The following RAP1A variants were observed in gnomAD, a reference collection of about 807,000 sequenced individuals.
RAP1A encodes the protein RAP1A, member of RAS oncogene family, also known as ras-related protein Rap-1A.
RAP1A carries 6 observed loss-of-function variants against 26.4 expected under a neutral mutation model. The ratio of observed to expected loss-of-function variants is 0.23; its 90% CI spans 0.12 to 0.45. RAP1A has a LOEUF of 0.45. RAP1A is among the 20% of genes least tolerant of loss of function. The pLI is 0.99. For missense variants in RAP1A, 121 were observed against 217.2 expected, an observed-to-expected ratio of 0.56 and a Z score of 2.78; for synonymous variants, 73 against 79.4, an observed-to-expected ratio of 0.92 and a Z score of 0.43.
intron 1 of RAP1A, among the ~76,000 whole-genome samples, chr1:111,611,842 G>T (rs924902787): frequency 9.9e-5 from 15 of 152,082 alleles, no homozygotes; most frequent in Non-Finnish European, 1.8e-4. Flanking sequence ...ATATTTCATG[G>T]AACATATTTT....
intron 3 of RAP1A, among the ~76,000 whole-genome samples, chr1:111,696,746 C>G (rs183876555): frequency 2.0e-5 from 3 of 152,328 alleles, no homozygotes; most frequent in Admixed American, 2.0e-4. Context: ...GTTTTCCACA[C>G]AGTTGATAGT....
chr1:111,567,815 G>A (rs1657957012), intron 1 of RAP1A, among the ~76,000 whole-genome samples: 1 of 152,158 alleles, frequency 6.6e-6, no homozygotes, highest in Admixed American at 6.6e-5. Flanking sequence ...AAGCCAGGAA[G>A]AGAGTCCTCA....
intron 1 of RAP1A, among the ~76,000 whole-genome samples, chr1:111,647,612 T>A (rs1660112100): frequency 2.0e-5 from 3 of 152,228 alleles, no homozygotes; most frequent in Admixed American, 2.0e-4. Context: ...ATCTAGATAT[T>A]TAGCTAAAGC....
At position 111,684,120 on chromosome 1, in the gene RAP1A, GCTAAAAACTCTCAATAAA is replaced by G. The variant is rs1265070510; in HGVS notation, c.-27-7210_-27-7193del. On this transcript the variant is annotated intron_variant, in intron 1 of 7. Coordinates refer to ENST00000369709, the MANE Select transcript of RAP1A (RefSeq NM_002884.4). ...TTGATAAAATCCAACACCCCTTCAT[GCTAAAAACTCTCAATAAA>G]CTAGGTACTGATGGAACATATCCCA... Among the ~76,000 whole-genome samples the G allele has an allele frequency of 2.0e-5, 3 of 152,212 alleles. No individual in the cohort carries two copies. The East Asian group carries it at 5.8e-4, about 29-fold the overall frequency.
chr1:111,580,961 G>GTCT (rs1212352908), intron 1 of RAP1A, among the ~76,000 whole-genome samples: 1 of 151,432 alleles, frequency 6.6e-6, no homozygotes, highest in Non-Finnish European at 1.5e-5. Flanking sequence ...GTGAAGGAGG[G>GTCT]TCAAAGAAGA....
chr1:111,562,243 C>T (rs932967325), intron 1 of RAP1A, among the ~76,000 whole-genome samples: 1 of 152,140 alleles, frequency 6.6e-6, no homozygotes, highest in African/African-American at 2.4e-5. Flanking sequence ...GTTCCACATC[C>T]ATATCATTTT....
intron 1 of RAP1A, among the ~76,000 whole-genome samples, chr1:111,675,551 C>A (rs945312839): frequency 2.0e-5 from 3 of 152,170 alleles, no homozygotes; most frequent in Admixed American, 2.0e-4. Flanking sequence ...TTGTCTTGTA[C>A]CAGCTTTATT....
At chr1:111,698,203 CTTTG>C (rs1384944548) in intron 4 of RAP1A, among the ~76,000 whole-genome samples, 2 of 152,012 alleles carry the variant, frequency 1.3e-5, no homozygotes, top group African/African-American at 2.4e-5. Context: ...CTTTGCTTTT[CTTTG>C]TTTATTTTTC....
At chr1:111,586,232 A>G (rs543394328) in intron 1 of RAP1A, among the ~76,000 whole-genome samples, 19 of 152,350 alleles carry the variant, frequency 1.2e-4, no homozygotes, top group African/African-American at 4.1e-4. Flanking sequence ...TAAGCTCAAC[A>G]TGTTATTACC....
chr1:111,679,886 C>T (rs1266296102), intron 1 of RAP1A, among the ~76,000 whole-genome samples: 1 of 152,216 alleles, frequency 6.6e-6, no homozygotes, highest in Non-Finnish European at 1.5e-5. Flanking sequence ...GCAGCAGCCC[C>T]AGTCAGGGGC....
chr1:111,619,881 AGGAGGAGGAGGT>A lies in RAP1A; in HGVS notation c.-72_-61del, dbSNP rs1278896507. ...GCCACGGCCGAGAGGAGGGAGGAGG[AGGAGGAGGAGGT>A]GGAGGAGGTGGAGGAGGTGGAGGAG... On this transcript the variant is annotated 5_prime_UTR_variant, in exon 1 of 8. Coordinates refer to ENST00000369709, the MANE Select transcript of RAP1A (RefSeq NM_002884.4). The A allele has an allele frequency of 2.7e-5, 7 of 258,834 alleles. No individual in the cohort carries two copies. Among genetic ancestry groups the A allele is most frequent in the Non-Finnish European group, 7.1e-6 (1 of 140,212 alleles). The allele number at this position is 258,834 out of a possible 1,614,324, so 16.0% of individuals were successfully genotyped here. A position where few individuals can be genotyped will look rare whatever the true frequency, so the allele number is the denominator to read the frequency against.
At chr1:111,629,300 T>C (rs2101100806) in intron 1 of RAP1A, among the ~76,000 whole-genome samples, 1 of 152,298 alleles carries the variant, frequency 6.6e-6, no homozygotes, top group Non-Finnish European at 1.5e-5. Flanking sequence ...AAAAGAGAGT[T>C]TGCAGATGCC....
intron 1 of RAP1A, among the ~76,000 whole-genome samples, chr1:111,601,029 T>C (rs903421797): frequency 6.6e-6 from 1 of 152,206 alleles, no homozygotes; most frequent in African/African-American, 2.4e-5. Context: ...GGTTGCTGCA[T>C]CTGGCTTACT....
At position 111,665,092 on chromosome 1, in the gene RAP1A, TAAAAAG is replaced by T. The variant is rs1161906564; in HGVS notation, c.-27-26241_-27-26236del. Among the ~76,000 whole-genome samples, 4 of 152,224 alleles carry T rather than the reference TAAAAAG, an allele frequency of 2.6e-5. No homozygotes were observed. In the East Asian group the frequency reaches 7.7e-4, roughly 29 times the overall value. On this transcript the variant is annotated intron_variant, in intron 1 of 7. Transcript: ENST00000369709. Reference sequence around the variant, plus strand: ...GTTTTGGTTTTGATTACCTAAAAAATAAAAAGGAAAGAGCATTGTAAGTGACAGAAT... The same window carrying T: ...GTTTTGGTTTTGATTACCTAAAAAATGAAAGAGCATTGTAAGTGACAGAAT...
At chr1:111,633,878 C>A (rs746741961) in intron 1 of RAP1A, among the ~76,000 whole-genome samples, 5 of 152,212 alleles carry the variant, frequency 3.3e-5, no homozygotes, top group Admixed American at 6.5e-5. Flanking sequence ...ACTGCTGTCA[C>A]AACAGAACAT....
chr1:111,684,482 C>T (rs1243921966), intron 1 of RAP1A, among the ~76,000 whole-genome samples: 2 of 152,198 alleles, frequency 1.3e-5, no homozygotes, highest in African/African-American at 4.8e-5. Context: ...AAATCACAAA[C>T]ATTCCTATAC....
At chr1:111,579,371 C>G (rs1394685267) in intron 1 of RAP1A, among the ~76,000 whole-genome samples, 1 of 152,106 alleles carries the variant, frequency 6.6e-6, no homozygotes, top group African/African-American at 2.4e-5. Flanking sequence ...GTTTTAGAAG[C>G]TATGATAGGA....
intron 1 of RAP1A, among the ~76,000 whole-genome samples, chr1:111,645,731 G>T (rs1006993213): frequency 6.6e-6 from 1 of 152,198 alleles, no homozygotes; most frequent in Non-Finnish European, 1.5e-5. Context: ...TGAAACTGAG[G>T]CTCAGAGAGG....
chr1:111,678,774 G>C (rs1250450480), intron 1 of RAP1A, among the ~76,000 whole-genome samples: 1 of 143,884 alleles, frequency 7.0e-6, no homozygotes, highest in East Asian at 2.0e-4. Flanking sequence ...TTTTTTTTTT[G>C]TATCAACTTT....
Sources: allele counts gnomAD v4.1 joint callset (sites outside exome capture counted in the v4.1 genomes callset), GRCh38; gene constraint gnomAD v4.1.1; transcripts MANE v1.5; gene names NCBI Gene and HGNC (gene_info 2026-07-23, HGNC 2026-07-21).